TRDN: variants seen among roughly 807,000 people sequenced by gnomAD.
TRDN encodes triadin in skeletal muscle.
A neutral mutation model predicts 149.7 loss-of-function variants in TRDN; 161 were observed. The observed-to-expected ratio is 1.08, with a 90% CI of 0.95 to 1.23. The LOEUF (loss-of-function observed/expected upper bound fraction) is 1.23. Ranked by LOEUF, TRDN falls within the 50% of genes most tolerant of loss-of-function variation. The pLI is 0.00. For synonymous variants in TRDN, 294 were observed against 250.5 expected, an observed-to-expected ratio of 1.17 and a Z score of -1.64; for missense variants, 896 against 823.5, an observed-to-expected ratio of 1.09 and a Z score of -1.08.
chr6:123,416,235 C>A (rs1433134992), intron 12 of TRDN, among the ~76,000 whole-genome samples: 2 of 152,158 alleles, frequency 1.3e-5, no homozygotes, highest in East Asian at 3.8e-4. Context: ...GATCTGTACT[C>A]AGGCCCTTTG....
At chr6:123,474,682 T>A (rs1199261283) in intron 9 of TRDN, among the ~76,000 whole-genome samples, 1 of 151,324 alleles carries the variant, frequency 6.6e-6, no homozygotes, top group Admixed American at 6.6e-5. Context: ...GAAGTAAAGC[T>A]CTCCTCAGCA....
At chr6:123,416,224 T>G (rs1419000184) in intron 12 of TRDN, among the ~76,000 whole-genome samples, 2 of 152,208 alleles carry the variant, frequency 1.3e-5, no homozygotes, top group African/African-American at 4.8e-5. Context: ...TTGCTTAAAA[T>G]GATCTGTACT....
chr6:123,361,643 A>G (rs1014022788), intron 20 of TRDN, among the ~76,000 whole-genome samples: 3 of 152,136 alleles, frequency 2.0e-5, no homozygotes, highest in African/African-American at 7.2e-5. Context: ...CTCTTTCCTC[A>G]TTCAATTTGT....
chr6:123,576,764 T>C (rs1177071351), intron 1 of TRDN, among the ~76,000 whole-genome samples: 1 of 152,032 alleles, frequency 6.6e-6, no homozygotes, highest in African/African-American at 2.4e-5. Context: ...AAGGGAGGTC[T>C]GGGAAACAAG....
intron 12 of TRDN, among the ~76,000 whole-genome samples, chr6:123,397,735 T>C (rs1254836925): frequency 6.6e-6 from 1 of 152,198 alleles, no homozygotes; most frequent in Non-Finnish European, 1.5e-5. Flanking sequence ...CACATTGCAA[T>C]TGGGAATTTT....
At chr6:123,636,336 T>C (rs1214178185) in intron 1 of TRDN, among the ~76,000 whole-genome samples, 3 of 151,888 alleles carry the variant, frequency 2.0e-5, no homozygotes, top group African/African-American at 7.2e-5. Flanking sequence ...ACTTTTTAAG[T>C]TTAAGTAAGC....
rs1172784603 is a variant in TRDN at position 123,512,369 on chromosome 6, C to G, written c.551-7G>C. ...ATTTTTTCCTTGTGAGTTGCTTAAACAGAAAATTTTACATTAGTACACATT... is the reference window on the plus strand; with the variant it reads ...ATTTTTTCCTTGTGAGTTGCTTAAAGAGAAAATTTTACATTAGTACACATT... On this transcript the variant is annotated splice_polypyrimidine_tract_variant and splice_region_variant and intron_variant, in intron 6 of 40. Transcript: ENST00000334268. 4 of 1,478,958 alleles carry G rather than the reference C, an allele frequency of 2.7e-6. No homozygotes were observed. The allele number at this position is 1,478,958 out of a possible 1,614,324, so 91.6% of individuals were successfully genotyped here. A position where few individuals can be genotyped will look rare whatever the true frequency, so the allele number is the denominator to read the frequency against.
intron 5 of TRDN, among the ~76,000 whole-genome samples, chr6:123,517,575 A>G (rs1779472324): frequency 6.6e-6 from 1 of 152,010 alleles, no homozygotes; most frequent in Non-Finnish European, 1.5e-5. Flanking sequence ...TACCAACCCC[A>G]TGTTTACCAA....
rs373290794 is a variant in TRDN at position 123,333,180 on chromosome 6, T to C, written c.1421-1251A>G. Among the ~76,000 whole-genome samples the C allele has an allele frequency of 1.6e-3, 237 of 152,134 alleles. 6 individuals carry two copies. In the South Asian group the frequency reaches 0.048, roughly 31 times the overall value. On this transcript the variant is annotated intron_variant, in intron 22 of 40. Transcript: ENST00000334268. ...CACTTCCTGGCTAAGCCAAAAGGAT[T>C]AATGTGTTGTGAAATGAGGAGTGGT... is the stretch of plus-strand genomic sequence containing the variant.
At chr6:123,391,318 A>T (rs1782105806) in intron 13 of TRDN, among the ~76,000 whole-genome samples, 1 of 152,064 alleles carries the variant, frequency 6.6e-6, no homozygotes, top group South Asian at 2.1e-4. Flanking sequence ...TATTTTTAAC[A>T]ATTACCATCT....
intron 4 of TRDN, 141 bp downstream of exon 4, chr6:123,547,199 T>A: frequency 1.9e-6 from 1 of 518,856 alleles, no homozygotes. Flanking sequence ...AAATTGAGTA[T>A]TTTTTTTCTG....
At chr6:123,509,737 A>C (rs1375017825) in intron 7 of TRDN, 2 of 152,184 alleles carry the variant, frequency 1.3e-5, no homozygotes, top group African/African-American at 4.8e-5. Flanking sequence ...ATAAATGTGC[A>C]TTGATTTAAG....
intron 12 of TRDN, among the ~76,000 whole-genome samples, chr6:123,401,026 G>A (rs923753155): frequency 1.3e-5 from 2 of 152,076 alleles, no homozygotes; most frequent in South Asian, 2.1e-4. Context: ...ATGTTATTGC[G>A]TGAAAAAGTG....
intron 1 of TRDN, among the ~76,000 whole-genome samples, chr6:123,609,378 AATT>A (rs1345485623): frequency 6.6e-6 from 1 of 152,156 alleles, no homozygotes; most frequent in African/African-American, 2.4e-5. Flanking sequence ...AAAAATATAT[AATT>A]ATAACATACA....
chr6:123,548,814 A>T (rs950356139), intron 2 of TRDN, among the ~76,000 whole-genome samples: 1 of 152,010 alleles, frequency 6.6e-6, no homozygotes, highest in African/African-American at 2.4e-5. Context: ...AAGAAAGAAA[A>T]TGCCCTTGGG....
chr6:123,304,547 C>G (rs9482378), intron 24 of TRDN, among the ~76,000 whole-genome samples: 1 of 151,856 alleles, frequency 6.6e-6, no homozygotes, highest in Non-Finnish European at 1.5e-5. Context: ...ACACTGCGCC[C>G]GGCTTAATTT....
chr6:123,484,647 C>A (rs943962240), intron 9 of TRDN, among the ~76,000 whole-genome samples: 21 of 152,094 alleles, frequency 1.4e-4, no homozygotes, highest in African/African-American at 4.8e-5. Flanking sequence ...TGTCTGACAG[C>A]AAGTCCATGC....
chr6:123,387,375 T>A (rs765964666), intron 14 of TRDN, among the ~76,000 whole-genome samples: 4 of 152,150 alleles, frequency 2.6e-5, no homozygotes, highest in Non-Finnish European at 4.4e-5. Flanking sequence ...AAATAACATA[T>A]TTTTATGATC....
At chr6:123,633,730 A>ATT (rs1786137440) in intron 1 of TRDN, among the ~76,000 whole-genome samples, 6 of 152,022 alleles carry the variant, frequency 3.9e-5, no homozygotes, top group Non-Finnish European at 8.8e-5. Context: ...CCTGAAACAC[A>ATT]ATTCTGTATT....
Sources: gnomAD v4.1 joint callset for allele counts (sites outside exome capture counted in the v4.1 genomes callset) on GRCh38, gnomAD v4.1.1 for gene constraint, MANE v1.5 for transcripts, NCBI Gene and HGNC (gene_info 2026-07-23, HGNC 2026-07-21) for gene names.